Variants in PRKCH observed in about 807,000 individuals in gnomAD.
PRKCH encodes the protein protein kinase C eta.
In PRKCH, 28 loss-of-function variants were observed where a neutral mutation model predicts 82.5. The observed-to-expected ratio is 0.34, with a 90% confidence interval of 0.25 to 0.47. The LOEUF (loss-of-function observed/expected upper bound fraction) is 0.47, where lower values mean the gene tolerates loss of function less well. Among genes scored for constraint, PRKCH ranks in the 20% least tolerant of loss-of-function variants. The probability of loss-of-function intolerance (pLI) is 1.00; values close to 1 mark genes in which losing one functional copy is unlikely to be tolerated. For missense variants in PRKCH, 705 were observed against 881.8 expected (o/e 0.80, Z 2.54); for synonymous variants, 322 against 327.4 (o/e 0.98, Z 0.18).
At position 61,196,531 on chromosome 14, in the gene PRKCH, C is replaced by A. The variant is rs567312247; in HGVS notation, c.-19+8863C>A. Among the ~76,000 whole-genome samples, 115 of 152,242 alleles carry A rather than the reference C, an allele frequency of 7.6e-4. 4 individuals carry two copies. In the South Asian group the frequency reaches 0.016, roughly 21 times the overall value. On this transcript the variant is annotated intron_variant, in intron 1 of 3. Coordinates refer to the PRKCH transcript ENST00000555185. ...GAGTCCAGAAGTACAGGATAGGGAACAATACAGTAGCAGATTACATTAAAA... is the reference window on the plus strand; with the variant it reads ...GAGTCCAGAAGTACAGGATAGGGAAAAATACAGTAGCAGATTACATTAAAA...
At chr14:61,372,851 C>T (rs78133060) in intron 1 of PRKCH, among the ~76,000 whole-genome samples, 3,976 of 152,094 alleles carry the variant, frequency 0.026, 200 homozygotes, top group African/African-American at 0.089. Context: ...TTAACAAATG[C>T]TTAGTGTTCT....
rs545206531 is a variant in PRKCH at position 61,350,367 on chromosome 14, A to G, written c.363+27903A>G. 4.1e-4 allele frequency among the ~76,000 whole-genome samples: 62 copies of G among 152,310 alleles called. 1 individual carries two copies. The South Asian group carries it at 0.011, about 27-fold the overall frequency. On this transcript the variant is annotated intron_variant, in intron 1 of 13. Transcript: ENST00000332981. ...GCCCCGCCTGTTTCTTTGTATACAA[A>G]CAGTATACAAAACATAGAGAAGAGA...
intron 1 of PRKCH, among the ~76,000 whole-genome samples, chr14:61,315,550 G>A (rs1048074149): frequency 2.6e-5 from 4 of 152,070 alleles, no homozygotes. Flanking sequence ...TGTACCATGT[G>A]CCTGGCAAGG....
chr14:61,306,411 AC>A (rs1160832784), intron 1 of PRKCH: 1 of 152,176 alleles, frequency 6.6e-6, no homozygotes, highest in African/African-American at 2.4e-5. Context: ...ACTACTCTAA[AC>A]TTTTATCTAG....
chr14:61,281,052 GGCCGA>G, intron 1 of PRKCH: 1 of 1,524,398 alleles, frequency 6.6e-7, no homozygotes, highest in Admixed American at 2.0e-5. Flanking sequence ...GCGCGATGCT[GGCCGA>G]CAGCAGCGGC....
At chr14:61,234,019 A>ACACCT (rs1226172784) in intron 1 of PRKCH, among the ~76,000 whole-genome samples, 1 of 152,180 alleles carries the variant, frequency 6.6e-6, no homozygotes. Context: ...GTCCTGGTCT[A>ACACCT]CACCACAGGT....
At chr14:61,225,104 C>T (rs73315473) in intron 1 of PRKCH, among the ~76,000 whole-genome samples, 5,266 of 152,274 alleles carry the variant, frequency 0.035, 183 homozygotes, top group African/African-American at 0.09. Context: ...CTAGTCTACA[C>T]TAGGACAATG....
chr14:61,537,859 CCT>C (rs1455844543), intron 12 of PRKCH: 4 of 152,234 alleles, frequency 2.6e-5, no homozygotes, highest in African/African-American at 9.6e-5. Flanking sequence ...TGTCATCCAG[CCT>C]CTCAGATTTC....
intron 1 of PRKCH, chr14:61,277,727 ATC>A (rs2045216608): frequency 6.6e-6 from 1 of 152,256 alleles, no homozygotes; most frequent in Non-Finnish European, 1.5e-5. Flanking sequence ...TTTGAGGACT[ATC>A]TAGTTTATAT....
At chr14:61,396,499 C>T (rs753751386) in intron 2 of PRKCH, among the ~76,000 whole-genome samples, 16 of 152,094 alleles carry the variant, frequency 1.1e-4, no homozygotes, top group Non-Finnish European at 2.1e-4. Flanking sequence ...CTCACAGGAG[C>T]TCATAGGAGG....
At chr14:61,229,459 C>T (rs933931349) in intron 1 of PRKCH, among the ~76,000 whole-genome samples, 1 of 152,110 alleles carries the variant, frequency 6.6e-6, no homozygotes, top group Non-Finnish European at 1.5e-5. Context: ...ACCTGAGGCA[C>T]CTGAATGAAT....
At chr14:61,334,457 CTG>C (rs2045828180) in intron 1 of PRKCH, among the ~76,000 whole-genome samples, 1 of 152,128 alleles carries the variant, frequency 6.6e-6, no homozygotes, top group Non-Finnish European at 1.5e-5. Context: ...AGGTAAAGCA[CTG>C]TGCAGCAGAC....
chr14:61,369,891 G>C (rs1399973138), intron 1 of PRKCH, among the ~76,000 whole-genome samples: 1 of 152,050 alleles, frequency 6.6e-6, no homozygotes, highest in African/African-American at 2.4e-5. Context: ...TCTACAAGCA[G>C]TAATACATAT....
chr14:61,421,056 A>G (rs1225962951), intron 2 of PRKCH, among the ~76,000 whole-genome samples: 4 of 151,560 alleles, frequency 2.6e-5, no homozygotes, highest in Admixed American at 6.6e-5. Context: ...GAGCCTCAAC[A>G]CAGGTTGCCA....
intron 1 of PRKCH, among the ~76,000 whole-genome samples, chr14:61,386,411 G>A (rs926814061): frequency 8.5e-5 from 13 of 152,328 alleles, no homozygotes; most frequent in African/African-American, 2.9e-4. Context: ...GCAGCTAGAA[G>A]CCCGTTCAGG....
chr14:61,308,780 C>G (rs2045500593), intron 1 of PRKCH, among the ~76,000 whole-genome samples: 1 of 149,758 alleles, frequency 6.7e-6, no homozygotes, highest in African/African-American at 2.5e-5. Context: ...AGGCATTTGC[C>G]ACCACACTGG....
intron 2 of PRKCH, among the ~76,000 whole-genome samples, chr14:61,394,494 C>T (rs1030363315): frequency 2.0e-5 from 3 of 152,258 alleles, no homozygotes; most frequent in African/African-American, 7.2e-5. Flanking sequence ...AGAAAGAGGT[C>T]AGGAGGAGGA....
chr14:61,200,638 G>C (rs1288005720), intron 1 of PRKCH, among the ~76,000 whole-genome samples: 1 of 151,904 alleles, frequency 6.6e-6, no homozygotes, highest in Non-Finnish European at 1.5e-5. Context: ...CTTATCCAAG[G>C]CTTAATTTTT....
intron 1 of PRKCH, among the ~76,000 whole-genome samples, chr14:61,352,722 G>GAAAGAAAGAAAGAAAGAA (rs1555378125): frequency 1.1e-4 from 17 of 151,376 alleles, no homozygotes; most frequent in African/African-American, 3.9e-4. Context: ...AAGAAAGAAA[G>GAAAGAAAGAAAGAAAGAA]AAAGAAAGAA....
Sources: gnomAD v4.1 joint callset for allele counts (sites outside exome capture counted in the v4.1 genomes callset) on GRCh38, gnomAD v4.1.1 for gene constraint, MANE v1.5 for transcripts, NCBI Gene and HGNC (gene_info 2026-07-23, HGNC 2026-07-21) for gene names.